DNAH17: variants seen among roughly 807,000 people sequenced by gnomAD.
The protein encoded by DNAH17 is dynein axonemal heavy chain 17, also known as axonemal beta dynein heavy chain 17.
Under a neutral mutation model 485.6 loss-of-function variants are expected in DNAH17, and 376 were observed. The observed-to-expected ratio is 0.77, with a 90% CI of 0.71 to 0.84. The LOEUF is 0.84. Among genes scored for constraint, DNAH17 ranks in the 40% least tolerant of loss-of-function variants. DNAH17 has a pLI of 0.00. For missense variants in DNAH17, 6,370 were observed against 5,839.3 expected (o/e 1.09, Z -2.96); for synonymous variants, 3,031 against 2,405.9 (o/e 1.26, Z -7.60).
chr17:78,559,588 A>C (rs139873553), intron 13 of DNAH17, among the ~76,000 whole-genome samples: 37 of 152,220 alleles, frequency 2.4e-4, no homozygotes, highest in African/African-American at 8.9e-4. Context: ...CAGGCTCCCA[A>C]CTGATTTTCC....
At chr17:78,433,894 A>C in intron 75 of DNAH17, 135 bp downstream of exon 75, 2 of 800,278 alleles carry the variant, frequency 2.5e-6, no homozygotes, top group Non-Finnish European at 3.9e-6. Flanking sequence ...TTTTAAGCCT[A>C]AGACAAAGAC....
At position 78,476,567 on chromosome 17, in the gene DNAH17, C is replaced by T. The variant is rs1227142973; in HGVS notation, c.8154+5G>A. ...TCGGCAGAGGGACTGGGCAGCTTGACTTACATCAAAGAACTTCTTGGTGGA... is the reference window on the plus strand; with the variant it reads ...TCGGCAGAGGGACTGGGCAGCTTGATTTACATCAAAGAACTTCTTGGTGGA... On this transcript the variant is annotated splice_donor_5th_base_variant and intron_variant, in intron 52 of 80. Transcript: ENST00000389840. 2 of 1,607,654 alleles carry T rather than the reference C, an allele frequency of 1.2e-6. No individual in the cohort carries two copies. Among genetic ancestry groups the T allele is most frequent in the Non-Finnish European group, 1.7e-6 (2 of 1,177,086 alleles).
chr17:78,479,693 G>C (rs961685498), intron 49 of DNAH17, 61 bp from the exon 50 acceptor site: 40 of 1,598,384 alleles, frequency 2.5e-5, no homozygotes, highest in Non-Finnish European at 3.4e-5. Context: ...CTGGGGCCAG[G>C]GCCACCTTCG....
chr17:78,494,676 C>T lies in DNAH17; in HGVS notation c.6187G>A (p.Asp2063Asn). ...ATCAGTCCCATGAATACGGGCAGGTCGTCTGTCACAATCTTGGGGATGTTG... is the reference window on the plus strand; with the variant it reads ...ATCAGTCCCATGAATACGGGCAGGTTGTCTGTCACAATCTTGGGGATGTTG... ...DFNIPKIVTD[D>N]LPVFMGLIGD... The change falls in exon 40 of 81, where the codon GAC becomes AAC. Residue 2063 changes from aspartate to asparagine, a missense_variant. Physicochemically the swap from Asp to Asn is conservative, Grantham distance 23. Transcript: ENST00000389840. 1 of 1,613,966 alleles carries T rather than the reference C, an allele frequency of 6.2e-7. No individual in the cohort carries two copies. Among genetic ancestry groups the T allele is most frequent in the African/African-American group, 1.3e-5 (1 of 75,054 alleles).
intron 37 of DNAH17, chr17:78,497,076 C>T (rs1448890456): frequency 1.3e-5 from 2 of 152,204 alleles, no homozygotes; most frequent in African/African-American, 4.8e-5. Context: ...AGTTGGGTTC[C>T]ACTCCCAGCC....
intron 48 of DNAH17, 105 bp from the exon 49 acceptor site, chr17:78,480,891 G>T (rs2089318572): frequency 3.8e-6 from 3 of 790,658 alleles, no homozygotes; most frequent in East Asian, 2.8e-5. Context: ...ATTTTTTTGA[G>T]ACAGAGTCTC....
At chr17:78,518,678 C>G (rs1292031811) in intron 25 of DNAH17, among the ~76,000 whole-genome samples, 1 of 152,112 alleles carries the variant, frequency 6.6e-6, no homozygotes, top group Non-Finnish European at 1.5e-5. Flanking sequence ...AACACTCCGC[C>G]CAACAGAAGC....
intron 69 of DNAH17, among the ~76,000 whole-genome samples, chr17:78,448,062 C>T (rs1349651809): frequency 2.6e-5 from 4 of 152,016 alleles, no homozygotes; most frequent in Admixed American, 2.6e-4. Context: ...ATCCCAGCTA[C>T]TCGGAAGACT....
intron 1 of DNAH17, among the ~76,000 whole-genome samples, chr17:78,575,404 G>A (rs758368890): frequency 4.6e-5 from 7 of 152,202 alleles, no homozygotes; most frequent in South Asian, 2.1e-4. Context: ...GGAAATGGCC[G>A]CAACCAGACA....
chr17:78,552,046 A>G (rs2091914006), intron 15 of DNAH17, among the ~76,000 whole-genome samples: 1 of 152,180 alleles, frequency 6.6e-6, no homozygotes, highest in East Asian at 1.9e-4. Context: ...AGCCCTGGGA[A>G]AATACTCCTA....
chr17:78,470,873 T>C (rs897822498), intron 54 of DNAH17, among the ~76,000 whole-genome samples: 8 of 152,170 alleles, frequency 5.3e-5, no homozygotes, highest in East Asian at 1.9e-4. Flanking sequence ...CACAGCAGGA[T>C]TTAAGGACAG....
At chr17:78,480,038 TTTTTTTTTTTTA>T (rs1428878676) in intron 49 of DNAH17, among the ~76,000 whole-genome samples, 15 of 91,066 alleles carry the variant, frequency 1.6e-4, no homozygotes, top group South Asian at 3.9e-4. Flanking sequence ...TTTTTTTTTT[TTTTTTTTTTTTA>T]AAAAAAGTAT....
Position 78,570,972 on chromosome 17 carries a change from C to A in DNAH17, c.894G>T (p.Glu298Asp). 1 of 1,585,494 alleles carries A rather than the reference C, an allele frequency of 6.3e-7. No homozygotes were observed. Among genetic ancestry groups the A allele is most frequent in the Non-Finnish European group, 8.6e-7 (1 of 1,165,590 alleles). Residue 298 changes from glutamate to aspartate, a missense_variant, in exon 6 of 81, where the codon GAG (glutamate) becomes GAT (aspartate). Physicochemically the swap from Glu to Asp is conservative, Grantham distance 45. Transcript: ENST00000389840. The part of the protein sequence containing the change: ...YLKPLRILLE[E>D]MEQADFTMLP... ...CCATCGTGAAGTCGGCTTGTTCCAT[C>A]TCCTCCAGCAGGATCCGTAGGGGCT...
intron 40 of DNAH17, 142 bp downstream of exon 40, chr17:78,494,451 G>A: frequency 1.9e-6 from 2 of 1,027,568 alleles, no homozygotes; most frequent in Non-Finnish European, 2.8e-6. Flanking sequence ...GGGCCACGGA[G>A]GCAGCTGTGG....
At position 78,560,854 on chromosome 17, in the gene DNAH17, C is replaced by G; in HGVS notation, c.1917G>C (p.Lys639Asn). ...CGCCCGCCACCCACTGCTGGTAGAT[C>G]TTCTCGCGGTGGCACCTCAGCAGCT... is the stretch of plus-strand genomic sequence containing the variant. ...MMELLRCHRE[K>N]IYQQWVAGVD... Residue 639 changes from lysine to asparagine, a missense_variant, in exon 13 of 81, where the codon AAG becomes AAC. By Grantham distance (94) the Lys-to-Asn change is moderately conservative (BLOSUM62 0). Coordinates refer to ENST00000389840, the MANE Select transcript of DNAH17 (RefSeq NM_173628.4). The G allele has an allele frequency of 1.3e-6, 2 of 1,551,848 alleles. No individual in the cohort carries two copies. The highest frequency in any genetic ancestry group is 1.7e-6 in the Non-Finnish European group (2 of 1,147,122).
At position 78,553,915 on chromosome 17, in the gene DNAH17, A is replaced by G. The variant is rs144918498; in HGVS notation, c.2179-1110T>C. On this transcript the variant is annotated intron_variant, in intron 14 of 80. Coordinates refer to ENST00000389840, the MANE Select transcript of DNAH17 (RefSeq NM_173628.4). ...CCAAAGAAATACATGTGGATCACTG[A>G]GCATTTCTTGGCTCAGACCCTTTCC... Among the ~76,000 whole-genome samples the G allele has an allele frequency of 1.3e-3, 199 of 151,598 alleles. 1 individual carries two copies. Among genetic ancestry groups the G allele is most frequent in the African/African-American group, 4.4e-3 (184 of 41,492 alleles).
chr17:78,566,930 C>T (rs1598740788), intron 10 of DNAH17, 69 bp downstream of exon 10: 2 of 1,532,814 alleles, frequency 1.3e-6, no homozygotes, highest in Non-Finnish European at 1.8e-6. Flanking sequence ...CATCACACCC[C>T]TAAGCTGGTA....
chr17:78,472,396 T>C (rs2088803611), intron 54 of DNAH17, among the ~76,000 whole-genome samples: 1 of 151,874 alleles, frequency 6.6e-6, no homozygotes, highest in African/African-American at 2.4e-5. Flanking sequence ...GCCTCCTCCC[T>C]GAGAATAACA....
chr17:78,486,752 G>T (rs1051677934), intron 44 of DNAH17, among the ~76,000 whole-genome samples: 3 of 152,320 alleles, frequency 2.0e-5, no homozygotes, highest in African/African-American at 4.8e-5. Context: ...AGCTATGGGG[G>T]TGCTGTAGGT....
Sources: gnomAD v4.1 joint callset for allele counts (sites outside exome capture counted in the v4.1 genomes callset) on GRCh38, gnomAD v4.1.1 for gene constraint, MANE v1.5 for transcripts, NCBI Gene and HGNC (gene_info 2026-07-23, HGNC 2026-07-21) for gene names.